Variants in PRR16 observed in about 807,000 individuals in gnomAD.
PRR16 encodes the protein proline rich 16.
A neutral mutation model predicts 18.2 loss-of-function variants in PRR16; 6 were observed. The ratio of observed to expected loss-of-function variants is 0.33; its 90% CI spans 0.18 to 0.65. The LOEUF (loss-of-function observed/expected upper bound fraction) is 0.65. Among genes scored for constraint, PRR16 ranks in the 30% least tolerant of loss-of-function variants. The pLI is 0.74. For missense variants in PRR16, 412 were observed against 376.6 expected (o/e 1.09, Z -0.78); for synonymous variants, 151 against 147.8 (o/e 1.02, Z -0.16).
At chr5:120,486,822 T>G (rs1749818510) in intron 1 of PRR16, among the ~76,000 whole-genome samples, 1 of 152,212 alleles carries the variant, frequency 6.6e-6, no homozygotes, top group Non-Finnish European at 1.5e-5. Flanking sequence ...TTAATTTTTG[T>G]GTAAGGTGTA....
intron 1 of PRR16, among the ~76,000 whole-genome samples, chr5:120,518,317 G>C (rs906733416): frequency 6.6e-6 from 1 of 151,336 alleles, no homozygotes. Flanking sequence ...TGTTTTAATT[G>C]TATATATATA....
chr5:120,663,527 T>C (rs1756250221), intron 1 of PRR16, among the ~76,000 whole-genome samples: 1 of 152,188 alleles, frequency 6.6e-6, no homozygotes, highest in African/African-American at 2.4e-5. Context: ...TTATTTGTTC[T>C]TACTGCCCAG....
chr5:120,793,685 G>T, the PRR16 span, among the ~76,000 whole-genome samples: 2 of 152,120 alleles, frequency 1.3e-5, no homozygotes, highest in East Asian at 1.9e-4. Flanking sequence ...CAATAAGAAG[G>T]GTAAAAACAG....
chr5:120,555,750 G>A (rs1752387593), intron 1 of PRR16, among the ~76,000 whole-genome samples: 1 of 149,360 alleles, frequency 6.7e-6, no homozygotes, highest in Non-Finnish European at 1.5e-5. Context: ...AAATGGGTAA[G>A]TTCCTGGTTT....
Position 120,503,696 on chromosome 5 carries a change from A to G in PRR16, c.159+39051A>G, listed in dbSNP as rs1047264183. Among the ~76,000 whole-genome samples, 8 of 152,048 alleles carry G rather than the reference A, an allele frequency of 5.3e-5. No individual in the cohort carries two copies. In the East Asian group the frequency reaches 1.5e-3, roughly 29 times the overall value. On this transcript the variant is annotated intron_variant, in intron 1 of 1. Transcript: ENST00000407149. ...GGTACATGTGCACAATGTGCAGGAT[A>G]GTTACATATGTATACATGTGCCATG...
chr5:120,777,915 A>T, the PRR16 span, among the ~76,000 whole-genome samples: 1 of 152,144 alleles, frequency 6.6e-6, no homozygotes, highest in Non-Finnish European at 1.5e-5. Context: ...CTGAACCAAA[A>T]ATACATTGAG....
chr5:120,622,063 T>C (rs1349471679), intron 1 of PRR16, among the ~76,000 whole-genome samples: 1 of 152,166 alleles, frequency 6.6e-6, no homozygotes, highest in Non-Finnish European at 1.5e-5. Context: ...CTTAGTCTCT[T>C]GGTGCAATTC....
intron 1 of PRR16, among the ~76,000 whole-genome samples, chr5:120,570,547 A>C (rs1412928040): frequency 6.6e-6 from 1 of 152,200 alleles, no homozygotes; most frequent in Admixed American, 6.6e-5. Context: ...GGATAATGCT[A>C]GGTGTATGGC....
intron 1 of PRR16, among the ~76,000 whole-genome samples, chr5:120,505,543 A>G (rs1750611331): frequency 6.6e-6 from 1 of 152,188 alleles, no homozygotes; most frequent in African/African-American, 2.4e-5. Flanking sequence ...GAGATTATTT[A>G]TCATAAGAAA....
intron 1 of PRR16, among the ~76,000 whole-genome samples, chr5:120,622,997 G>A (rs976142547): frequency 1.3e-5 from 2 of 151,998 alleles, no homozygotes; most frequent in East Asian, 1.9e-4. Context: ...CTTGGAATTA[G>A]GGATTAATTT....
chr5:120,587,733 T>A (rs1407630876), intron 1 of PRR16, among the ~76,000 whole-genome samples: 1 of 152,192 alleles, frequency 6.6e-6, no homozygotes, highest in East Asian at 1.9e-4. Flanking sequence ...GTACATAAAT[T>A]AATGTTGTTT....
At chr5:120,530,809 C>T (rs4895161) in intron 1 of PRR16, among the ~76,000 whole-genome samples, 60,618 of 151,846 alleles carry the variant, frequency 0.4, 13,792 homozygotes, top group African/African-American at 0.62. Context: ...CTGCCATCAC[C>T]CAGGGTGGAA....
intron 1 of PRR16, among the ~76,000 whole-genome samples, chr5:120,596,287 A>G (rs1040009338): frequency 2.0e-5 from 3 of 151,712 alleles, no homozygotes; most frequent in Non-Finnish European, 2.9e-5. Context: ...CTTCATCTGG[A>G]TACTGTGGTA....
At chr5:120,577,423 G>A (rs1398992948) in intron 1 of PRR16, among the ~76,000 whole-genome samples, 1 of 151,444 alleles carries the variant, frequency 6.6e-6, no homozygotes, top group Non-Finnish European at 1.5e-5. Flanking sequence ...TAATTTGACT[G>A]GCATACTAGT....
At chr5:120,498,380 A>G (rs1306342675) in intron 1 of PRR16, among the ~76,000 whole-genome samples, 3 of 149,916 alleles carry the variant, frequency 2.0e-5, no homozygotes, top group Non-Finnish European at 4.4e-5. Flanking sequence ...TATAAAACTT[A>G]CCACAGTCTT....
the PRR16 span, among the ~76,000 whole-genome samples, chr5:120,784,621 A>G: frequency 4.6e-5 from 7 of 152,344 alleles, no homozygotes; most frequent in South Asian, 2.1e-4. Context: ...CTGAATAAAA[A>G]TGGGCAAGAG....
chr5:120,679,314 A>G (rs1318741306), intron 1 of PRR16, among the ~76,000 whole-genome samples: 1 of 152,144 alleles, frequency 6.6e-6, no homozygotes, highest in African/African-American at 2.4e-5. Context: ...GATTGATGCC[A>G]TGCTATCTTC....
intron 1 of PRR16, among the ~76,000 whole-genome samples, chr5:120,503,796 C>T (rs557758689): frequency 3.8e-4 from 57 of 149,090 alleles, no homozygotes; most frequent in African/African-American, 1.1e-3. Context: ...CCGCTCCCCC[C>T]ACCCCACAAC....
chr5:120,562,881 C>T (rs768943924), intron 1 of PRR16, among the ~76,000 whole-genome samples: 1 of 152,078 alleles, frequency 6.6e-6, no homozygotes, highest in South Asian at 2.1e-4. Context: ...TTTACTGGTT[C>T]ATTAGTCTTT....
Sources: gnomAD v4.1 joint callset for allele counts (sites outside exome capture counted in the v4.1 genomes callset) on GRCh38, gnomAD v4.1.1 for gene constraint, MANE v1.5 for transcripts, NCBI Gene and HGNC (gene_info 2026-07-23, HGNC 2026-07-21) for gene names.